SYT14: variants seen among roughly 807,000 people sequenced by gnomAD.
SYT14 encodes synaptotagmin-14.
A neutral mutation model predicts 74.2 loss-of-function variants in SYT14; 32 were observed. That is an observed-to-expected ratio of 0.43 (90% CI 0.33 to 0.58). The LOEUF is 0.58. SYT14 is among the 20% of genes least tolerant of loss of function. SYT14 has a pLI of 0.05. For missense variants in SYT14, 791 were observed against 981.8 expected (o/e 0.81, Z 2.60); for synonymous variants, 298 against 337.7 (o/e 0.88, Z 1.29).
chr1:210,083,495 C>T (rs934140418), intron 5 of SYT14, among the ~76,000 whole-genome samples: 33 of 152,114 alleles, frequency 2.2e-4, no homozygotes, highest in Admixed American at 9.2e-4. Context: ...TCACTGCAGC[C>T]TCAATCTCCT....
At chr1:210,068,017 G>C (rs551469538) in intron 5 of SYT14, among the ~76,000 whole-genome samples, 2 of 151,868 alleles carry the variant, frequency 1.3e-5, no homozygotes, top group East Asian at 3.9e-4. Flanking sequence ...TATGCCTCTT[G>C]TTTCTGTTTT....
At chr1:210,059,451 T>TATATATATATATATATATAG (rs377050610) in intron 5 of SYT14, among the ~76,000 whole-genome samples, 28 of 69,896 alleles carry the variant, frequency 4.0e-4, no homozygotes, top group Non-Finnish European at 6.3e-4. Context: ...TATATATATA[T>TATATATATATATATATATAG]AGAGAGAGAG....
intron 5 of SYT14, among the ~76,000 whole-genome samples, chr1:210,076,940 A>G (rs1028867791): frequency 4.6e-5 from 7 of 152,268 alleles, no homozygotes; most frequent in South Asian, 2.1e-4. Context: ...CAGCCAAACC[A>G]TATCAGTGGC....
chr1:210,021,335 G>A, intron 5 of SYT14, 81 bp downstream of exon 4: 5 of 1,271,768 alleles, frequency 3.9e-6, no homozygotes, highest in South Asian at 1.2e-5. Flanking sequence ...GGAATCTGTG[G>A]TTGCAGAATA....
intron 5 of SYT14, among the ~76,000 whole-genome samples, chr1:210,039,928 G>T (rs2080750903): frequency 6.6e-6 from 1 of 152,158 alleles, no homozygotes; most frequent in South Asian, 2.1e-4. Context: ...TTACACTGTT[G>T]GTGGGAGTGT....
chr1:209,990,545 A>ATATATACG lies in SYT14; in HGVS notation c.-485-23085_-485-23084insATACGTAT, dbSNP rs1410484596. Among the ~76,000 whole-genome samples, 62 of 8,636 alleles carry ATATATACG rather than the reference A, an allele frequency of 7.2e-3. 1 individual carries two copies. The highest frequency in any genetic ancestry group is 0.027 in the African/African-American group (61 of 2,222). 5.7% of individuals were successfully genotyped at this position (8,636 alleles called of 152,430 possible). ...TTCACATATATATATATACGTATAT[A>ATATATACG]TATGTATATATATACGTATATATAT... On this transcript the variant is annotated intron_variant, in intron 2 of 9. Transcript: ENST00000637265.
exon 10 of SYT14, chr1:210,163,154 C>G: frequency 2.2e-6 from 1 of 453,622 alleles, no homozygotes; most frequent in South Asian, 1.6e-5. Flanking sequence ...AGTTATCAGT[C>G]TTATCTGTAA....
chr1:210,134,878 A>G (rs1032576090), intron 7 of SYT14, among the ~76,000 whole-genome samples: 1 of 152,196 alleles, frequency 6.6e-6, no homozygotes, highest in African/African-American at 2.4e-5. Flanking sequence ...TTCTGGCCAC[A>G]TAACCCCTTT....
chr1:210,015,807 A>G lies in SYT14; in HGVS notation c.-197A>G, dbSNP rs938520068. ...AAGTGGTTTGATTTTTTTTTTCCGG[A>G]AGAATCTTTACTTCAACATATTTCT... On this transcript the variant is annotated 5_prime_UTR_variant, in exon 4 of 10. Transcript: ENST00000637265. The G allele has an allele frequency of 1.7e-5, 18 of 1,082,726 alleles. 1 individual carries two copies. In the South Asian group the frequency reaches 7.2e-4, roughly 43 times the overall value. 67.1% of individuals were successfully genotyped at this position (1,082,726 alleles called of 1,614,324 possible).
intron 4 of SYT14, among the ~76,000 whole-genome samples, chr1:210,018,633 AT>A (rs1482179046): frequency 1.3e-5 from 2 of 152,234 alleles, no homozygotes; most frequent in Non-Finnish European, 2.9e-5. Flanking sequence ...AACTTTTTAA[AT>A]TTGTTTTCAT....
At chr1:210,080,331 T>G (rs148680956) in intron 5 of SYT14, among the ~76,000 whole-genome samples, 12 of 152,348 alleles carry the variant, frequency 7.9e-5, no homozygotes, top group African/African-American at 2.4e-4. Context: ...CATAATATCA[T>G]GTAGTCAGAT....
exon 6 of SYT14, chr1:210,094,554 AGAT>A (rs2102526755): frequency 6.3e-7 from 1 of 1,586,926 alleles, no homozygotes; most frequent in Admixed American, 1.7e-5. Context: ...GATATGAAGA[AGAT>A]GTTCCAAGTG....
intron 7 of SYT14, among the ~76,000 whole-genome samples, chr1:210,146,044 T>TA (rs1212279082): frequency 6.6e-6 from 1 of 152,098 alleles, no homozygotes; most frequent in East Asian, 1.9e-4. Context: ...TTCAGTAAGA[T>TA]AAAAACAGTA....
intron 7 of SYT14, among the ~76,000 whole-genome samples, chr1:210,122,342 TGTGG>T (rs1489078108): frequency 2.6e-5 from 4 of 152,226 alleles, no homozygotes; most frequent in African/African-American, 7.2e-5. Flanking sequence ...ACATGTTTAT[TGTGG>T]GTCAATTATG....
chr1:210,069,660 C>T (rs1339442008), intron 5 of SYT14, among the ~76,000 whole-genome samples: 2 of 151,890 alleles, frequency 1.3e-5, no homozygotes, highest in African/African-American at 2.4e-5. Context: ...TAATATTCAA[C>T]CTTTATTCTT....
At chr1:209,997,425 G>T (rs1253583626) in intron 2 of SYT14, among the ~76,000 whole-genome samples, 2 of 152,060 alleles carry the variant, frequency 1.3e-5, no homozygotes, top group Admixed American at 6.5e-5. Flanking sequence ...GGAGGTGAAA[G>T]ATCTCTATAA....
rs115503917 is a variant in SYT14 at position 210,049,798 on chromosome 1, G to A, written c.1312+28544G>A. ...CTTGCACCCTCTGAAGCCACGGCCC[G>A]AGCTCTGTGGTGGCCCCTTTCAGCC... On this transcript the variant is annotated intron_variant, in intron 5 of 9. Transcript: ENST00000637265. Among the ~76,000 whole-genome samples the A allele has an allele frequency of 5.8e-3, 887 of 152,278 alleles. 8 individuals are homozygous for A. The highest frequency in any genetic ancestry group is 0.02 in the African/African-American group (850 of 41,550).
chr1:210,050,115 T>C (rs540113873), intron 5 of SYT14, among the ~76,000 whole-genome samples: 2 of 152,350 alleles, frequency 1.3e-5, no homozygotes, highest in Admixed American at 6.5e-5. Flanking sequence ...TTCCAAACTT[T>C]TATGCTCTGT....
At chr1:209,942,277 C>T (rs886100995) in intron 1 of SYT14, among the ~76,000 whole-genome samples, 1 of 149,990 alleles carries the variant, frequency 6.7e-6, no homozygotes, top group Non-Finnish European at 1.5e-5. Context: ...ATGTCCTCGG[C>T]AATCCAAAAT....
Sources: allele counts gnomAD v4.1 joint callset (sites outside exome capture counted in the v4.1 genomes callset), GRCh38; gene constraint gnomAD v4.1.1; transcripts MANE v1.5; gene names NCBI Gene and HGNC (gene_info 2026-07-23, HGNC 2026-07-21).